The following PRKCI variants were observed in gnomAD, a reference collection of about 807,000 sequenced individuals.
The protein encoded by PRKCI is protein kinase C iota.
A neutral mutation model predicts 84.0 loss-of-function variants in PRKCI; 43 were observed. That is an observed-to-expected ratio of 0.51 (90% CI 0.40 to 0.66). PRKCI has a LOEUF of 0.66. Among genes scored for constraint, PRKCI ranks in the 30% least tolerant of loss-of-function variants. The pLI is 0.00. For synonymous variants in PRKCI, 216 were observed against 234.4 expected (o/e 0.92, Z 0.72); for missense variants, 459 against 745.6 (o/e 0.62, Z 4.48).
intron 12 of PRKCI, among the ~76,000 whole-genome samples, chr3:170,289,186 C>T (rs946055489): frequency 1.3e-5 from 2 of 152,166 alleles, no homozygotes; most frequent in African/African-American, 4.8e-5. Flanking sequence ...GACTATTGTA[C>T]TGAAAGTACA....
chr3:170,296,882 C>T (rs145581417), intron 15 of PRKCI, among the ~76,000 whole-genome samples: 1 of 152,260 alleles, frequency 6.6e-6, no homozygotes, highest in African/African-American at 2.4e-5. Context: ...GTATCATTGT[C>T]TTACACAGGT....
chr3:170,231,982 G>A (rs1038056759), intron 1 of PRKCI, among the ~76,000 whole-genome samples: 3 of 151,884 alleles, frequency 2.0e-5, no homozygotes, highest in Non-Finnish European at 4.4e-5. Context: ...GTGACAGAGC[G>A]AGACTCTGTC....
chr3:170,246,505 G>C (rs1000215236), intron 2 of PRKCI, among the ~76,000 whole-genome samples: 6 of 151,756 alleles, frequency 4.0e-5, no homozygotes, highest in African/African-American at 1.5e-4. Flanking sequence ...TGTTGCCCAG[G>C]CTGGTCTCAA....
chr3:170,261,659 T>A (rs1733731437), intron 3 of PRKCI, among the ~76,000 whole-genome samples: 1 of 151,926 alleles, frequency 6.6e-6, no homozygotes. Context: ...AATTTTTGTA[T>A]TTTTAGTAGA....
At chr3:170,288,554 G>A (rs1734459488) in intron 12 of PRKCI, among the ~76,000 whole-genome samples, 1 of 152,046 alleles carries the variant, frequency 6.6e-6, no homozygotes, top group Non-Finnish European at 1.5e-5. Flanking sequence ...TTTGAGACCA[G>A]CCTGGCCAAC....
chr3:170,236,914 G>T, intron 2 of PRKCI, among the ~76,000 whole-genome samples: 1 of 151,668 alleles, frequency 6.6e-6, no homozygotes, highest in African/African-American at 2.4e-5. Context: ...AAATATCTGT[G>T]TGCTGAGGAC....
chr3:170,245,870 GTT>G (rs1733262866), intron 2 of PRKCI, among the ~76,000 whole-genome samples: 2 of 148,650 alleles, frequency 1.3e-5, no homozygotes, highest in South Asian at 4.3e-4. Context: ...CAAGCACAGT[GTT>G]TTTGTACTTT....
chr3:170,277,496 A>G (rs1033532436), intron 8 of PRKCI, among the ~76,000 whole-genome samples: 5 of 152,124 alleles, frequency 3.3e-5, no homozygotes, highest in Admixed American at 2.0e-4. Context: ...TGAGCCTGAG[A>G]GTTCAAGAGC....
At chr3:170,271,145 T>C (rs1733995041) in intron 6 of PRKCI, among the ~76,000 whole-genome samples, 3 of 152,144 alleles carry the variant, frequency 2.0e-5, no homozygotes, top group African/African-American at 7.2e-5. Flanking sequence ...TTCCAGAACT[T>C]TTCCTGTGCA....
In PRKCI at chr3:170,303,148, A is replaced by G. The variant is rs145216751; in HGVS notation, c.*21A>G. ...TCTGATCCTCATTTTTCAACCATGT[A>G]TTCTACTCATGTTGCCATTTAATGC... On this transcript the variant is annotated 3_prime_UTR_variant, in exon 18 of 18. Coordinates refer to ENST00000295797, the MANE Select transcript of PRKCI (RefSeq NM_002740.6). The G allele has an allele frequency of 3.5e-5, 54 of 1,548,684 alleles. No individual in the cohort carries two copies. In the East Asian group the frequency reaches 1.2e-3, roughly 34 times the overall value.
At chr3:170,260,820 C>G (rs192184127) in intron 3 of PRKCI, among the ~76,000 whole-genome samples, 233 of 152,252 alleles carry the variant, frequency 1.5e-3, no homozygotes, top group African/African-American at 5.3e-3. Context: ...TAGGAAGTGG[C>G]ATAGAAGAAG....
At chr3:170,232,387 T>G (rs1283355319) in intron 1 of PRKCI, among the ~76,000 whole-genome samples, 3 of 150,736 alleles carry the variant, frequency 2.0e-5, no homozygotes, top group Non-Finnish European at 4.4e-5. Context: ...ATTTTTTGAG[T>G]CAGTGTCTTC....
intron 12 of PRKCI, among the ~76,000 whole-genome samples, chr3:170,291,451 C>G (rs1207868774): frequency 6.6e-6 from 1 of 152,078 alleles, no homozygotes; most frequent in Non-Finnish European, 1.5e-5. Context: ...AATCCCAGCA[C>G]TTTGGGAGGC....
intron 2 of PRKCI, among the ~76,000 whole-genome samples, chr3:170,248,220 T>C (rs1471696225): frequency 6.6e-6 from 1 of 152,202 alleles, no homozygotes; most frequent in Non-Finnish European, 1.5e-5. Context: ...ACATATATGT[T>C]TCATGTTCTA....
intron 1 of PRKCI, among the ~76,000 whole-genome samples, chr3:170,229,810 A>G (rs191478132): frequency 3.3e-4 from 50 of 152,360 alleles, no homozygotes; most frequent in Non-Finnish European, 6.5e-4. Context: ...CTTCTGCCTT[A>G]TATTCCCATT....
rs1238680908 is a variant in PRKCI, at chr3:170,270,537, A to G, written c.567A>G (p.Glu189=). Residue 189 remains glutamate, a synonymous_variant, in exon 6 of 18, where the codon GAA becomes GAG. Coordinates refer to ENST00000295797, the MANE Select transcript of PRKCI (RefSeq NM_002740.6). ...HKKCHKLVTI[E]CGRHSLPQEP... ...AGTGCCATAAACTCGTCACAATTGA[A>G]TGTGGGCGGCATTCTTTGCCACAGG... 9.3e-6 allele frequency: 15 copies of G among 1,611,142 alleles called. 1 individual carries two copies. In the Middle Eastern group the frequency reaches 5.0e-4, roughly 54 times the overall value.
intron 7 of PRKCI, 55 bp downstream of exon 7, chr3:170,273,395 C>T (rs1734043526): frequency 1.3e-6 from 2 of 1,523,758 alleles, no homozygotes; most frequent in Admixed American, 1.7e-5. Context: ...CATGTAAAGA[C>T]TTACTTAGGT....
At chr3:170,288,889 A>G (rs897730921) in intron 12 of PRKCI, among the ~76,000 whole-genome samples, 10 of 152,236 alleles carry the variant, frequency 6.6e-5, no homozygotes, top group Non-Finnish European at 1.5e-4. Context: ...CAAGTGTTGG[A>G]TGAATTTCTT....
chr3:170,301,535 T>G (rs1430836686), intron 17 of PRKCI, among the ~76,000 whole-genome samples: 4 of 152,318 alleles, frequency 2.6e-5, no homozygotes, highest in African/African-American at 9.6e-5. Context: ...TACCTAATTC[T>G]GCTCACGGTG....
Sources: gnomAD v4.1 joint callset for allele counts (sites outside exome capture counted in the v4.1 genomes callset) on GRCh38, gnomAD v4.1.1 for gene constraint, MANE v1.5 for transcripts, NCBI Gene and HGNC (gene_info 2026-07-23, HGNC 2026-07-21) for gene names.